The following CDH23 variants were observed in gnomAD, a reference collection of about 807,000 sequenced individuals.
CDH23 encodes the protein cadherin related 23.
In CDH23, 189 loss-of-function variants were observed where a neutral mutation model predicts 317.1. The ratio of observed to expected loss-of-function variants is 0.60; its 90% CI spans 0.53 to 0.67. The LOEUF (loss-of-function observed/expected upper bound fraction) is 0.67, where lower values mean the gene tolerates loss of function less well. Ranked by LOEUF, CDH23 falls within the 30% of genes least tolerant of loss-of-function variation. CDH23 has a pLI of 0.00. For missense variants in CDH23, 4,401 were observed against 4,592.4 expected, an observed-to-expected ratio of 0.96 and a Z score of 1.20; for synonymous variants, 1,839 against 1,876.8, an observed-to-expected ratio of 0.98 and a Z score of 0.52.
At chr10:71,792,425 A>G (rs1420167022) in intron 47 of CDH23, among the ~76,000 whole-genome samples, 1 of 152,218 alleles carries the variant, frequency 6.6e-6, no homozygotes, top group Non-Finnish European at 1.5e-5. Context: ...CATAAAAGAA[A>G]AGAACTTAAG....
At chr10:71,675,236 C>A in intron 15 of CDH23, 60 bp downstream of exon 15, 1 of 1,437,718 alleles carries the variant, frequency 7.0e-7, no homozygotes, top group Admixed American at 1.7e-5. Flanking sequence ...CCTCCCCAGA[C>A]TCATGAGATC....
intron 32 of CDH23, among the ~76,000 whole-genome samples, chr10:71,733,802 T>G (rs900781968): frequency 2.6e-5 from 4 of 152,220 alleles, no homozygotes; most frequent in Non-Finnish European, 5.9e-5. Context: ...TCAGAATTCC[T>G]TCTTTGAAAG....
chr10:71,685,229 T>C (rs1864824432), intron 18 of CDH23, among the ~76,000 whole-genome samples: 2 of 152,308 alleles, frequency 1.3e-5, no homozygotes, highest in African/African-American at 4.8e-5. Context: ...ATTCTGTGTG[T>C]CCTCCCACAC....
At chr10:71,725,581 C>A (rs1020221967) in intron 30 of CDH23, 61 bp downstream of exon 30, 148 of 1,549,768 alleles carry the variant, frequency 9.5e-5, no homozygotes, top group Non-Finnish European at 1.3e-4. Context: ...ACAGCTAGAA[C>A]AGAGAAGGCC....
chr10:71,510,885 T>C, intron 4 of CDH23, 69 bp from the exon 5 acceptor site: 2 of 1,510,544 alleles, frequency 1.3e-6, no homozygotes, highest in Non-Finnish European at 1.8e-6. Context: ...TCCCGCCCCA[T>C]TTAGGGCCCA....
chr10:71,614,490 C>G (rs1861076011), intron 9 of CDH23, among the ~76,000 whole-genome samples: 1 of 152,216 alleles, frequency 6.6e-6, no homozygotes, highest in Admixed American at 6.5e-5. Flanking sequence ...GAGGAACATG[C>G]CTGCCACTGT....
chr10:71,679,315 C>A, intron 16 of CDH23, 72 bp from the exon 17 acceptor site: 1 of 719,224 alleles, frequency 1.4e-6, no homozygotes, highest in East Asian at 3.0e-5. Context: ...CCCCACCCTC[C>A]CAGCTGCCCA....
At chr10:71,536,744 G>T (rs1855724683) in intron 6 of CDH23, among the ~76,000 whole-genome samples, 1 of 152,118 alleles carries the variant, frequency 6.6e-6, no homozygotes, top group Admixed American at 6.5e-5. Flanking sequence ...TGATGTGATG[G>T]GGAAAGGTCT....
chr10:71,531,480 T>C lies in CDH23; in HGVS notation c.429+20268T>C, dbSNP rs535099975. Among the ~76,000 whole-genome samples, 35 of 152,332 alleles carry C rather than the reference T, an allele frequency of 2.3e-4. No individual in the cohort carries two copies. In the South Asian group the frequency reaches 6.8e-3, roughly 30 times the overall value. On this transcript the variant is annotated intron_variant, in intron 6 of 69. Transcript: ENST00000224721. The stretch of plus-strand genomic sequence containing the variant: ...CCCCTTATTTTAAAATATATGCAGT[T>C]GAAATGTGTGTGAGTTAGTCGCCCA...
At chr10:71,532,711 G>GTTTTTTTTTGTTTTTTTTT (rs1855452212) in intron 6 of CDH23, among the ~76,000 whole-genome samples, 1 of 128,102 alleles carries the variant, frequency 7.8e-6, no homozygotes, top group Non-Finnish European at 1.8e-5. Flanking sequence ...TTTTGTTTTT[G>GTTTTTTTTTGTTTTTTTTT]TTTTTTTTTT....
At chr10:71,745,134 C>T (rs1278616860) in intron 38 of CDH23, among the ~76,000 whole-genome samples, 3 of 152,184 alleles carry the variant, frequency 2.0e-5, no homozygotes, top group African/African-American at 7.2e-5. Flanking sequence ...GTGCCAGGCA[C>T]TGGAGATACC....
chr10:71,571,008 T>C, intron 8 of CDH23, 90 bp downstream of exon 8: 1 of 1,470,332 alleles, frequency 6.8e-7, no homozygotes, highest in South Asian at 1.2e-5. Context: ...GTTAGTGGGC[T>C]GGGCTCCTCC....
chr10:71,398,006 AGCTG>A (rs2131879364), intron 1 of CDH23, among the ~76,000 whole-genome samples: 1 of 152,250 alleles, frequency 6.6e-6, no homozygotes, highest in South Asian at 2.1e-4. Flanking sequence ...TGCCCCCAGG[AGCTG>A]GCACCCGGGA....
intron 43 of CDH23, 150 bp from the exon 44 acceptor site, chr10:71,785,481 C>T (rs1841078682): frequency 2.8e-5 from 18 of 631,850 alleles, no homozygotes; most frequent in South Asian, 2.8e-4. Flanking sequence ...TCACTCTCGC[C>T]CCGGCGAGAC....
chr10:71,621,160 T>C (rs1038834025), intron 11 of CDH23, among the ~76,000 whole-genome samples: 7 of 152,238 alleles, frequency 4.6e-5, no homozygotes, highest in Non-Finnish European at 2.9e-5. Flanking sequence ...AAAAGATTTT[T>C]AGAAAAGTGT....
chr10:71,786,966 G>C (rs1841123238), intron 44 of CDH23, among the ~76,000 whole-genome samples: 2 of 152,116 alleles, frequency 1.3e-5, no homozygotes, highest in African/African-American at 4.8e-5. Flanking sequence ...GGCTCTGAAT[G>C]GGCACTCCCC....
rs1020890126 is a variant in CDH23, at chr10:71,406,869, C to T, written c.-6+9551C>T. Among the ~76,000 whole-genome samples the T allele has an allele frequency of 2.0e-5, 3 of 152,126 alleles. No individual in the cohort carries two copies. The South Asian group carries it at 6.2e-4, about 31-fold the overall frequency. ...AAACCCTTTGGCAAGCTGCATGTGG[C>T]CCATAGATGGCCAGTTTATGACCAT... On this transcript the variant is annotated intron_variant, in intron 1 of 69. Coordinates refer to ENST00000224721, the MANE Select transcript of CDH23 (RefSeq NM_022124.6).
intron 14 of CDH23, among the ~76,000 whole-genome samples, chr10:71,651,684 T>G (rs1863181724): frequency 6.6e-6 from 1 of 152,184 alleles, no homozygotes; most frequent in Non-Finnish European, 1.5e-5. Flanking sequence ...GCTTGGCTGT[T>G]TCTCTTCTTC....
intron 17 of CDH23, 107 bp from the exon 18 acceptor site, chr10:71,682,338 G>T: frequency 6.9e-7 from 1 of 1,445,644 alleles, no homozygotes. Flanking sequence ...AGCCAGAGCT[G>T]GCCCGGGCCA....
Sources: gnomAD v4.1 joint callset for allele counts (sites outside exome capture counted in the v4.1 genomes callset) on GRCh38, gnomAD v4.1.1 for gene constraint, MANE v1.5 for transcripts, NCBI Gene and HGNC (gene_info 2026-07-23, HGNC 2026-07-21) for gene names.